PNKD: variants seen among roughly 807,000 people sequenced by gnomAD.
PNKD encodes the protein PNKD metallo-beta-lactamase domain containing.
PNKD carries 36 observed loss-of-function variants against 45.3 expected under a neutral mutation model. That is an observed-to-expected ratio of 0.80 (90% CI 0.61 to 1.05). The LOEUF is 1.05. PNKD is among the 50% of genes least tolerant of loss of function. PNKD has a pLI of 0.00. For missense variants in PNKD, 511 were observed against 506.6 expected, an observed-to-expected ratio of 1.01 and a Z score of -0.08; for synonymous variants, 197 against 210.1, an observed-to-expected ratio of 0.94 and a Z score of 0.54.
At position 218,319,986 on chromosome 2, in the gene PNKD, C is replaced by G. The variant is rs115953964; in HGVS notation, c.237-19797C>G. ...AGGGGAGAGAGCATAGGCAAAGGCC[C>G]TGAGGTGGGAATGAGCGTGGCACAT... On this transcript the variant is annotated intron_variant, in intron 2 of 9. Transcript: ENST00000273077. Among the ~76,000 whole-genome samples, 318 of 152,316 alleles carry G rather than the reference C, an allele frequency of 2.1e-3. 3 individuals carry two copies. Among genetic ancestry groups the G allele is most frequent in the African/African-American group, 7.1e-3 (295 of 41,572 alleles).
intron 2 of PNKD, among the ~76,000 whole-genome samples, chr2:218,282,605 G>C (rs1692132981): frequency 6.6e-6 from 1 of 152,206 alleles, no homozygotes; most frequent in Non-Finnish European, 1.5e-5. Context: ...CCTCTGAAAG[G>C]GTCAGCTCTG....
intron 2 of PNKD, among the ~76,000 whole-genome samples, chr2:218,288,483 G>A (rs1692705379): frequency 6.6e-6 from 1 of 152,166 alleles, no homozygotes; most frequent in African/African-American, 2.4e-5. Context: ...TAGAGTAGTT[G>A]AACCACTTCC....
At chr2:218,276,010 T>G in intron 2 of PNKD, 1 of 1,607,958 alleles carries the variant, frequency 6.2e-7, no homozygotes, top group Non-Finnish European at 8.5e-7. Context: ...CTTCCTAGAG[T>G]GGGGCTGGGA....
At chr2:218,316,063 G>GA (rs1693803521) in intron 2 of PNKD, among the ~76,000 whole-genome samples, 1 of 152,276 alleles carries the variant, frequency 6.6e-6, no homozygotes, top group Middle Eastern at 3.4e-3. Context: ...AGTGGCGTGG[G>GA]AAAATATACC....
chr2:218,279,221 C>G, intron 2 of PNKD: 1 of 1,552,692 alleles, frequency 6.4e-7, no homozygotes, highest in South Asian at 1.2e-5. Context: ...CACCGCCACC[C>G]ACACCCCCAG....
chr2:218,285,583 C>T (rs937902965), intron 2 of PNKD, among the ~76,000 whole-genome samples: 6 of 152,218 alleles, frequency 3.9e-5, no homozygotes, highest in East Asian at 1.9e-4. Flanking sequence ...CACCCAAGGA[C>T]AGCCAACCCC....
chr2:218,279,969 C>A, intron 2 of PNKD: 1 of 1,339,648 alleles, frequency 7.5e-7, no homozygotes, highest in Non-Finnish European at 1.1e-6. Context: ...CTACCCACTT[C>A]CCATTCCCAC....
At chr2:218,324,638 AT>A (rs1694089926) in intron 2 of PNKD, among the ~76,000 whole-genome samples, 1 of 152,132 alleles carries the variant, frequency 6.6e-6, no homozygotes, top group Non-Finnish European at 1.5e-5. Context: ...AAATAATGAG[AT>A]TGAAAAATAT....
chr2:218,335,719 G>T (rs1051795379), intron 2 of PNKD, among the ~76,000 whole-genome samples: 5 of 152,142 alleles, frequency 3.3e-5, no homozygotes, highest in African/African-American at 1.2e-4. Flanking sequence ...TCAACCATGT[G>T]CCCAGATTGC....
intron 2 of PNKD, chr2:218,323,206 G>GGGGCC (rs1263383475): frequency 4.3e-6 from 6 of 1,393,570 alleles, no homozygotes; most frequent in Non-Finnish European, 5.6e-6. Flanking sequence ...GCGGGGGGCC[G>GGGGCC]GGGCCGGGCC....
chr2:218,321,074 G>A (rs1434557875), intron 2 of PNKD, among the ~76,000 whole-genome samples: 1 of 152,070 alleles, frequency 6.6e-6, no homozygotes, highest in African/African-American at 2.4e-5. Context: ...CTTGTTAATT[G>A]TCTGGCTTGA....
intron 2 of PNKD, among the ~76,000 whole-genome samples, chr2:218,312,724 T>G (rs931687397): frequency 6.6e-6 from 1 of 151,896 alleles, no homozygotes; most frequent in Non-Finnish European, 1.5e-5. Context: ...ATTACAAAAA[T>G]TAGTTGGGTG....
chr2:218,277,268 G>T, intron 2 of PNKD: 1 of 1,236,190 alleles, frequency 8.1e-7, no homozygotes, highest in Non-Finnish European at 1.2e-6. Flanking sequence ...TGAGGAGAAG[G>T]GGATCAGGTC....
intron 2 of PNKD, among the ~76,000 whole-genome samples, chr2:218,306,724 G>C (rs1472662020): frequency 6.6e-6 from 1 of 152,180 alleles, no homozygotes; most frequent in Non-Finnish European, 1.5e-5. Flanking sequence ...GGCACTTGAA[G>C]TGTTATGGGG....
In PNKD at chr2:218,272,270, C is replaced by G. The variant is rs143615889; in HGVS notation, c.236+721C>G. ...GGTGCTGTTGCAGGAATGCAGGGCT[C>G]GTGCTGAGGATCAGGCTCTAGGCGG... On this transcript the variant is annotated intron_variant, in intron 2 of 9. Coordinates refer to ENST00000273077, the MANE Select transcript of PNKD (RefSeq NM_015488.5). Among the ~76,000 whole-genome samples, 5 of 152,238 alleles carry G rather than the reference C, an allele frequency of 3.3e-5. No individual in the cohort carries two copies. In the South Asian group the frequency reaches 1.0e-3, roughly 32 times the overall value.
At chr2:218,270,904 A>C in intron 1 of PNKD, 1 of 368,754 alleles carries the variant, frequency 2.7e-6, no homozygotes, top group Non-Finnish European at 4.8e-6. Flanking sequence ...GGGCTTCTGG[A>C]GGTTTGAGTT....
chr2:218,342,358 G>A (rs769953106), intron 7 of PNKD, among the ~76,000 whole-genome samples: 1 of 152,160 alleles, frequency 6.6e-6, no homozygotes, highest in South Asian at 2.1e-4. Flanking sequence ...TTGAGGCTAG[G>A]AGTTGGAGAC....
intron 2 of PNKD, among the ~76,000 whole-genome samples, chr2:218,308,786 T>C (rs966214174): frequency 2.0e-5 from 3 of 151,478 alleles, no homozygotes; most frequent in Non-Finnish European, 2.9e-5. Context: ...GGTTTCACCA[T>C]GTTGGCCAGG....
rs201798895 is a variant in PNKD, at chr2:218,272,617, G to A, written c.236+1068G>A. The A allele has an allele frequency of 3.9e-4, 631 of 1,613,998 alleles. 7 individuals are homozygous for A. The highest frequency in any genetic ancestry group is 8.9e-5 in the East Asian group (4 of 44,894). The stretch of plus-strand genomic sequence containing the variant: ...ATCCTCCTCTTCATCCTCACCAAGC[G>A]GGAAGTGGACAAGGACCGTGTGAAG... On this transcript the variant is annotated intron_variant, in intron 2 of 9. Coordinates refer to ENST00000273077, the MANE Select transcript of PNKD (RefSeq NM_015488.5).
Sources: allele counts gnomAD v4.1 joint callset (sites outside exome capture counted in the v4.1 genomes callset), GRCh38; gene constraint gnomAD v4.1.1; transcripts MANE v1.5; gene names NCBI Gene and HGNC (gene_info 2026-07-23, HGNC 2026-07-21).